Variants in USP43 observed in about 807,000 individuals in gnomAD.
The protein encoded by USP43 is ubiquitin specific peptidase 43, also known as ubiquitin carboxyl-terminal hydrolase 43.
Under a neutral mutation model 90.7 loss-of-function variants are expected in USP43, and 33 were observed. The ratio of observed to expected loss-of-function variants is 0.36; its 90% confidence interval spans 0.28 to 0.49. USP43 has a LOEUF of 0.49. Among genes scored for constraint, USP43 ranks in the 20% least tolerant of loss-of-function variants. The pLI, the probability that USP43 is intolerant of heterozygous loss-of-function variation, is 0.98. For missense variants in USP43, 1,274 were observed against 1,476.4 expected, an observed-to-expected ratio of 0.86 and a Z score of 2.25; for synonymous variants, 598 against 615.8, an observed-to-expected ratio of 0.97 and a Z score of 0.43.
At chr17:9,725,667 C>T (rs1333984407) in intron 14 of USP43, among the ~76,000 whole-genome samples, 1 of 152,196 alleles carries the variant, frequency 6.6e-6, no homozygotes, top group Non-Finnish European at 1.5e-5. Context: ...GTTCCGTGGG[C>T]ATCTGTGGTT....
intron 2 of USP43, among the ~76,000 whole-genome samples, chr17:9,661,817 C>T (rs1007236199): frequency 1.3e-5 from 2 of 152,118 alleles, no homozygotes; most frequent in African/African-American, 4.8e-5. Flanking sequence ...TTTCTCCATA[C>T]CCTTCCCTGG....
Position 9,712,021 on chromosome 17 carries a change from G to T in USP43, c.2224G>T (p.Ala742Ser), listed in dbSNP as rs747205181. Reference protein sequence around the residue: ...DHWLLRLGSHAGSTRGSLLSW... With the variant: ...DHWLLRLGSHSGSTRGSLLSW... ...CTGGCTCTTACGGCTCGGGAGCCAC[G>T]CTGGCAGCACAAGGGGAAGCCTGCT... The change falls in exon 14 of 15, where the codon GCT (alanine) becomes TCT (serine). Residue 742 changes from alanine (A) to serine (S), a missense_variant. Transcript: ENST00000285199. The T allele has an allele frequency of 1.2e-6, 2 of 1,610,870 alleles. No individual in the cohort carries two copies. The highest frequency in any genetic ancestry group is 1.3e-5 in the African/African-American group (1 of 74,932).
intron 3 of USP43, among the ~76,000 whole-genome samples, chr17:9,672,083 G>A (rs1478656744): frequency 3.9e-5 from 6 of 151,922 alleles, no homozygotes; most frequent in Non-Finnish European, 5.9e-5. Context: ...TGCAACCTCC[G>A]CCTCCCGGGT....
chr17:9,656,318 A>G, intron 1 of USP43, 85 bp from the exon 2 acceptor site: 2 of 1,512,208 alleles, frequency 1.3e-6, no homozygotes, highest in South Asian at 2.6e-5. Flanking sequence ...AATAATGACC[A>G]CTTGGTAGAC....
intron 14 of USP43, among the ~76,000 whole-genome samples, chr17:9,725,634 A>C (rs4791357): frequency 6.6e-6 from 1 of 152,168 alleles, no homozygotes; most frequent in African/African-American, 2.4e-5. Context: ...TTTCACTGCC[A>C]TCTCGAGAAA....
chr17:9,714,239 CA>C (rs1433867889), intron 14 of USP43, among the ~76,000 whole-genome samples: 1 of 152,184 alleles, frequency 6.6e-6, no homozygotes, highest in Admixed American at 6.6e-5. Context: ...GGCTGTGGAT[CA>C]GTACTTGTCC....
intron 14 of USP43, among the ~76,000 whole-genome samples, chr17:9,714,524 A>G (rs1916380437): frequency 8.6e-6 from 1 of 116,068 alleles, no homozygotes; most frequent in South Asian, 2.6e-4. Context: ...TACTAAAAAT[A>G]CAAAAAAAAT....
At chr17:9,695,928 C>G (rs1252077655) in intron 9 of USP43, among the ~76,000 whole-genome samples, 1 of 152,122 alleles carries the variant, frequency 6.6e-6, no homozygotes, top group Non-Finnish European at 1.5e-5. Flanking sequence ...AAGGTTCACC[C>G]ATGTTGTAGC....
chr17:9,696,330 C>T (rs995129228), intron 9 of USP43, among the ~76,000 whole-genome samples: 2 of 152,182 alleles, frequency 1.3e-5, no homozygotes, highest in Admixed American at 6.5e-5. Flanking sequence ...AACGGGGTTT[C>T]ACCGTGTTGC....
chr17:9,682,413 C>G (rs1446456074), intron 6 of USP43, among the ~76,000 whole-genome samples: 1 of 151,968 alleles, frequency 6.6e-6, no homozygotes, highest in East Asian at 1.9e-4. Flanking sequence ...ACTAAGAATA[C>G]AAAAAAATTA....
intron 7 of USP43, among the ~76,000 whole-genome samples, chr17:9,685,272 C>T (rs933095901): frequency 2.0e-5 from 3 of 152,212 alleles, no homozygotes; most frequent in Non-Finnish European, 2.9e-5. Flanking sequence ...AGCAGTGAGT[C>T]GCTAGTGATT....
chr17:9,684,049 A>G (rs1419282992), intron 7 of USP43, among the ~76,000 whole-genome samples: 1 of 152,142 alleles, frequency 6.6e-6, no homozygotes, highest in Non-Finnish European at 1.5e-5. Flanking sequence ...TGGCAGGAGA[A>G]TCGCTTGAAC....
chr17:9,657,348 AAT>A (rs1216304759), intron 2 of USP43, among the ~76,000 whole-genome samples: 44 of 152,076 alleles, frequency 2.9e-4, no homozygotes, highest in Admixed American at 2.9e-3. Flanking sequence ...CTCTATTAGT[AAT>A]ATAAAAATGA....
chr17:9,689,319 T>C (rs191443945), intron 8 of USP43, among the ~76,000 whole-genome samples: 42 of 152,298 alleles, frequency 2.8e-4, no homozygotes, highest in Non-Finnish European at 5.6e-4. Context: ...TAGCCAAGAA[T>C]TGAGAACAGG....
chr17:9,686,927 G>A lies in USP43; in HGVS notation c.1353+18G>A, dbSNP rs777237016. On this transcript the variant is annotated intron_variant, in intron 8 of 14. Coordinates refer to ENST00000285199, the MANE Select transcript of USP43 (RefSeq NM_153210.5). This position sits in a 1 kb window ranked among gnomAD's most constrained non-coding sequence, Gnocchi z 5.5. ...CTGTACAGGTCAGTGGTGTGCATGC[G>A]TGTGTGTGTGTGTGCGTGCATGCGC... 1.1e-5 allele frequency: 13 copies of A among 1,212,086 alleles called. No individual in the cohort carries two copies. The highest frequency in any genetic ancestry group is 3.2e-5 in the East Asian group (1 of 31,516). 75.1% of individuals were successfully genotyped at this position (1,212,086 alleles called of 1,614,324 possible). A position where few individuals can be genotyped will look rare whatever the true frequency, so the allele number is the denominator to read the frequency against.
chr17:9,719,138 G>A (rs1916783102), intron 14 of USP43, among the ~76,000 whole-genome samples: 1 of 151,728 alleles, frequency 6.6e-6, no homozygotes, highest in Admixed American at 6.6e-5. Context: ...CCAAAAAAAA[G>A]TCTCTACAAC....
At chr17:9,652,455 G>A (rs1911939931) in intron 1 of USP43, among the ~76,000 whole-genome samples, 4 of 151,716 alleles carry the variant, frequency 2.6e-5, no homozygotes, top group South Asian at 2.1e-4. Context: ...TCCGCCTCCC[G>A]GGTTCAAGTG....
Position 9,686,809 on chromosome 17 carries a change from C to T in USP43, c.1253C>T (p.Pro418Leu). Reference protein sequence around the residue: ...SGQQASRFGPPFLIREDRAVS... With the variant: ...SGQQASRFGPLFLIREDRAVS... ...CCTTGGATTTTCAGGTTTGGGCCACCCTTCCTGATAAGGGAAGACAGAGCT... is the reference window on the plus strand; with the variant it reads ...CCTTGGATTTTCAGGTTTGGGCCACTCTTCCTGATAAGGGAAGACAGAGCT... Residue 418 changes from proline (P) to leucine (L), a missense_variant, in exon 8 of 15, where the codon CCC becomes CTC. By Grantham distance (98) the Pro-to-Leu change is moderately conservative. Transcript: ENST00000285199. The surrounding 1 kb of genome is among the most constrained non-coding windows in gnomAD (Gnocchi z 5.5). 6.2e-7 allele frequency: 1 copy of T among 1,613,846 alleles called. No homozygotes were observed. The highest frequency in any genetic ancestry group is 8.5e-7 in the Non-Finnish European group (1 of 1,179,832).
At chr17:9,711,110 A>G (rs1916169265) in intron 13 of USP43, among the ~76,000 whole-genome samples, 1 of 152,184 alleles carries the variant, frequency 6.6e-6, no homozygotes, top group Admixed American at 6.5e-5. Context: ...CTTACTGTCC[A>G]GTATAATAAA....
Sources: gnomAD v4.1 joint callset for allele counts (sites outside exome capture counted in the v4.1 genomes callset) on GRCh38, gnomAD v4.1.1 for gene constraint, Gnocchi (gnomAD v3.1) non-coding constraint, MANE v1.5 for transcripts, NCBI Gene and HGNC (gene_info 2026-07-23, HGNC 2026-07-21) for gene names.